Variants in FUT9 observed in about 807,000 individuals in gnomAD.
FUT9 encodes the protein fucosyltransferase 9.
A neutral mutation model predicts 29.7 loss-of-function variants in FUT9; 15 were observed. The ratio of observed to expected loss-of-function variants is 0.51; its 90% CI spans 0.34 to 0.78. FUT9 has a LOEUF of 0.78. Among genes scored for constraint, FUT9 ranks in the 30% least tolerant of loss-of-function variants. The pLI is 0.01. For synonymous variants in FUT9, 169 were observed against 153.7 expected (o/e 1.10, Z -0.74); for missense variants, 319 against 425.4 (o/e 0.75, Z 2.20).
At chr6:96,067,134 A>G (rs1770975326) in intron 1 of FUT9, among the ~76,000 whole-genome samples, 1 of 149,866 alleles carries the variant, frequency 6.7e-6, no homozygotes, top group Non-Finnish European at 1.5e-5. Flanking sequence ...ATATATATGT[A>G]TACATATATA....
chr6:96,188,300 C>T (rs2127987918), intron 2 of FUT9, among the ~76,000 whole-genome samples: 1 of 151,868 alleles, frequency 6.6e-6, no homozygotes, highest in Middle Eastern at 3.4e-3. Context: ...TGGGACCTGA[C>T]TTGTTGCCCA....
At chr6:96,106,293 G>A (rs1297955743) in intron 1 of FUT9, among the ~76,000 whole-genome samples, 1 of 134,498 alleles carries the variant, frequency 7.4e-6, no homozygotes, top group Non-Finnish European at 1.6e-5. Flanking sequence ...TTGGGAGGGA[G>A]GGTTATTGGG....
chr6:96,156,369 C>A (rs1453694931), intron 2 of FUT9, among the ~76,000 whole-genome samples: 1 of 152,084 alleles, frequency 6.6e-6, no homozygotes, highest in Non-Finnish European at 1.5e-5. Flanking sequence ...CTTGTCTTGT[C>A]TCATGACCAG....
intron 2 of FUT9, among the ~76,000 whole-genome samples, chr6:96,165,355 A>G (rs1229047400): frequency 6.6e-6 from 1 of 151,566 alleles, no homozygotes; most frequent in African/African-American, 2.4e-5. Flanking sequence ...TGCTTGAACC[A>G]GGGAGGTGGA....
intron 2 of FUT9, among the ~76,000 whole-genome samples, chr6:96,154,499 A>G (rs1002828981): frequency 1.3e-5 from 2 of 152,230 alleles, no homozygotes; most frequent in Non-Finnish European, 2.9e-5. Context: ...TGTGTGAGAC[A>G]GAATGTACAT....
Position 96,213,163 on chromosome 6 carries a change from T to A in FUT9, c.*8928T>A. The A allele has an allele frequency of 6.0e-6, 1 of 167,026 alleles. No homozygotes were observed. 10.3% of individuals were successfully genotyped at this position (167,026 alleles called of 1,614,324 possible). ...ACAAGGGGTGGGGAAGAAGTTAATGTGTAATTGCTTCAGGAGCTCTGAATA... is the reference window on the plus strand; with the variant it reads ...ACAAGGGGTGGGGAAGAAGTTAATGAGTAATTGCTTCAGGAGCTCTGAATA... On this transcript the variant is annotated 3_prime_UTR_variant, in exon 3 of 3. Coordinates refer to ENST00000302103, the MANE Select transcript of FUT9 (RefSeq NM_006581.4).
chr6:96,064,845 G>A (rs974541874), intron 1 of FUT9, among the ~76,000 whole-genome samples: 12 of 152,010 alleles, frequency 7.9e-5, no homozygotes, highest in Non-Finnish European at 1.5e-4. Context: ...ACTGAATGTC[G>A]AAGAAATCTG....
rs756603970 is a variant in FUT9, at chr6:96,067,405, A to G, written c.-97-46634A>G. On this transcript the variant is annotated intron_variant, in intron 1 of 2. Transcript: ENST00000302103. ...TTGAATTTTATCCTGTATGAAACAG[A>G]AAGATTTTAAACAGAAAACAGAAGT... 1.0e-3 allele frequency among the ~76,000 whole-genome samples: 104 copies of G among 102,674 alleles called. 1 individual carries two copies. The Middle Eastern group carries it at 0.042, about 41-fold the overall frequency. The allele number at this position is 102,674 out of a possible 152,430, so 67.4% of individuals were successfully genotyped here.
intron 2 of FUT9, among the ~76,000 whole-genome samples, chr6:96,191,679 T>C (rs995968944): frequency 6.6e-6 from 1 of 152,170 alleles, no homozygotes; most frequent in Non-Finnish European, 1.5e-5. Context: ...CCATTCCTTC[T>C]GCAACTATTC....
At chr6:96,064,601 G>A (rs1225094188) in intron 1 of FUT9, among the ~76,000 whole-genome samples, 1 of 152,004 alleles carries the variant, frequency 6.6e-6, no homozygotes, top group East Asian at 1.9e-4. Flanking sequence ...GATCTACATT[G>A]AAAAAAATAC....
chr6:96,062,694 T>G (rs1770897012), intron 1 of FUT9, among the ~76,000 whole-genome samples: 1 of 152,148 alleles, frequency 6.6e-6, no homozygotes, highest in African/African-American at 2.4e-5. Flanking sequence ...TCAGAAGATT[T>G]TTTTCTTCTT....
At chr6:96,111,332 C>T (rs1290508536) in intron 1 of FUT9, among the ~76,000 whole-genome samples, 2 of 152,070 alleles carry the variant, frequency 1.3e-5, no homozygotes, top group African/African-American at 4.8e-5. Flanking sequence ...GAAAAACGTA[C>T]TATCATTATT....
chr6:96,129,531 A>G (rs1301417739), intron 2 of FUT9, among the ~76,000 whole-genome samples: 1 of 152,008 alleles, frequency 6.6e-6, no homozygotes, highest in Admixed American at 6.6e-5. Context: ...AAATAAACAG[A>G]AGAGTCTCAA....
intron 1 of FUT9, among the ~76,000 whole-genome samples, chr6:96,106,525 T>C (rs1771689240): frequency 6.6e-6 from 1 of 152,172 alleles, no homozygotes; most frequent in South Asian, 2.1e-4. Context: ...GGTGTGACTG[T>C]TATACAATCT....
chr6:96,081,533 A>G (rs1771236657), intron 1 of FUT9, among the ~76,000 whole-genome samples: 1 of 151,882 alleles, frequency 6.6e-6, no homozygotes, highest in African/African-American at 2.4e-5. Context: ...GTATATATAA[A>G]TTCTAATATG....
chr6:96,143,009 C>T (rs991589012), intron 2 of FUT9, among the ~76,000 whole-genome samples: 1 of 152,088 alleles, frequency 6.6e-6, no homozygotes, highest in Admixed American at 6.5e-5. Context: ...GATATTTTGT[C>T]TACATTTCAG....
chr6:96,130,853 T>C (rs1772229881), intron 2 of FUT9, among the ~76,000 whole-genome samples: 1 of 152,186 alleles, frequency 6.6e-6, no homozygotes, highest in African/African-American at 2.4e-5. Flanking sequence ...ACTGTGGCAG[T>C]GCAAACTTAT....
chr6:96,190,378 A>G (rs928988824), intron 2 of FUT9, among the ~76,000 whole-genome samples: 8 of 151,874 alleles, frequency 5.3e-5, no homozygotes, highest in African/African-American at 1.7e-4. Flanking sequence ...TCTGATAATT[A>G]TGTGTCTTGG....
chr6:96,143,106 C>T (rs1405609063), intron 2 of FUT9, among the ~76,000 whole-genome samples: 1 of 152,150 alleles, frequency 6.6e-6, no homozygotes, highest in East Asian at 1.9e-4. Context: ...ACGTTGAAAA[C>T]CTCATCACCA....
Sources: allele counts gnomAD v4.1 joint callset (sites outside exome capture counted in the v4.1 genomes callset), GRCh38; gene constraint gnomAD v4.1.1; transcripts MANE v1.5; gene names NCBI Gene and HGNC (gene_info 2026-07-23, HGNC 2026-07-21).